The following CSE1L variants were observed in gnomAD, a reference collection of about 807,000 sequenced individuals.
CSE1L encodes the protein chromosome segregation 1 like, also known as exportin-2.
A neutral mutation model predicts 120.4 loss-of-function variants in CSE1L; 24 were observed. The ratio of observed to expected loss-of-function variants is 0.20; its 90% CI spans 0.14 to 0.28. The LOEUF is 0.28. Among genes scored for constraint, CSE1L ranks in the 10% least tolerant of loss-of-function variants. The pLI is 1.00. For synonymous variants in CSE1L, 402 were observed against 398.3 expected, an observed-to-expected ratio of 1.01 and a Z score of -0.11; for missense variants, 830 against 1,145.2, an observed-to-expected ratio of 0.72 and a Z score of 3.97.
intron 1 of CSE1L, among the ~76,000 whole-genome samples, chr20:49,051,192 A>G (rs956914527): frequency 1.3e-5 from 2 of 152,216 alleles, no homozygotes; most frequent in Admixed American, 1.3e-4. Flanking sequence ...ACTGAGGTGA[A>G]TGCTCTTTTA....
At chr20:49,081,945 AG>A in intron 14 of CSE1L, among the ~76,000 whole-genome samples, 1 of 152,344 alleles carries the variant, frequency 6.6e-6, no homozygotes. Flanking sequence ...GAGGTATTCC[AG>A]GTGCTCCCTG....
chr20:49,090,577 T>C (rs899180120), intron 19 of CSE1L, among the ~76,000 whole-genome samples, 165 bp from the exon 20 acceptor site: 2 of 152,124 alleles, frequency 1.3e-5, no homozygotes, highest in African/African-American at 4.8e-5. Context: ...AAAATTACTT[T>C]AATGGCTACG....
Position 49,089,605 on chromosome 20 carries a change from T to C in CSE1L, c.2040T>C (p.Ser680=). The C allele has an allele frequency of 6.2e-7, 1 of 1,614,210 alleles. No individual in the cohort carries two copies. Among genetic ancestry groups the C allele is most frequent in the Non-Finnish European group, 8.5e-7 (1 of 1,180,034 alleles). Residue 680 remains serine (S), a synonymous_variant, in exon 19 of 25, where the codon TCT becomes TCC. Coordinates refer to ENST00000262982, the MANE Select transcript of CSE1L (RefSeq NM_001316.4). ...AAACACACAAAAATGACATCCCGTC[T>C]TCCTATATGGCCTTATTTCCTCATC... The part of the protein sequence containing the change: ...LLETHKNDIP[S]SYMALFPHLL...
At chr20:49,065,313 ATTTTTTTTTT>A (rs376073464) in intron 3 of CSE1L, among the ~76,000 whole-genome samples, 5 of 52,118 alleles carry the variant, frequency 9.6e-5, no homozygotes, top group South Asian at 8.7e-4. Flanking sequence ...TGAAAAAAAA[ATTTTTTTTTT>A]TTTTTTTTTT....
At chr20:49,078,674 T>C (rs755114340) in intron 14 of CSE1L, 52 bp downstream of exon 14, 7 of 1,201,696 alleles carry the variant, frequency 5.8e-6, no homozygotes, top group Non-Finnish European at 8.2e-6. Flanking sequence ...AAGAGTTTTA[T>C]TATGTACCAC....
At chr20:49,048,106 C>T (rs2091735433) in intron 1 of CSE1L, among the ~76,000 whole-genome samples, 1 of 150,754 alleles carries the variant, frequency 6.6e-6, no homozygotes, top group Admixed American at 6.6e-5. Flanking sequence ...CTTGGGCCCA[C>T]ATAGTCATAT....
intron 14 of CSE1L, among the ~76,000 whole-genome samples, chr20:49,080,791 TG>T (rs1234490356): frequency 6.6e-6 from 1 of 152,122 alleles, no homozygotes; most frequent in African/African-American, 2.4e-5. Flanking sequence ...CATTTATTTT[TG>T]AGACAAAGTC....
At chr20:49,047,172 CCT>C (rs2091719821) in intron 1 of CSE1L, among the ~76,000 whole-genome samples, 1 of 152,124 alleles carries the variant, frequency 6.6e-6, no homozygotes. Context: ...CCAGACGTAG[CCT>C]CTCGTTAGGG....
chr20:49,059,819 G>A (rs1251723156), intron 2 of CSE1L, among the ~76,000 whole-genome samples: 2 of 152,016 alleles, frequency 1.3e-5, no homozygotes, highest in African/African-American at 2.4e-5. Context: ...GGTGGAGGTT[G>A]CAGTGAGTTG....
chr20:49,051,068 A>G (rs1405202743), intron 1 of CSE1L, among the ~76,000 whole-genome samples: 1 of 152,254 alleles, frequency 6.6e-6, no homozygotes, highest in African/African-American at 2.4e-5. Context: ...CAAAGTCCCT[A>G]CTATCAGTGG....
At chr20:49,049,572 A>G (rs553653978) in intron 1 of CSE1L, among the ~76,000 whole-genome samples, 2 of 152,276 alleles carry the variant, frequency 1.3e-5, no homozygotes, top group African/African-American at 4.8e-5. Context: ...GTGTCAAAGT[A>G]CCTTTACTTG....
intron 24 of CSE1L, 97 bp from the exon 25 acceptor site, chr20:49,096,252 T>C (rs997136795): frequency 4.2e-6 from 4 of 959,642 alleles, no homozygotes; most frequent in Non-Finnish European, 6.8e-6. Flanking sequence ...GACTGGCTGC[T>C]CTTCCCAGAG....
rs551838708 is a variant in CSE1L, at chr20:49,096,704, G to A, written c.*266G>A. The A allele has an allele frequency of 1.2e-4, 51 of 411,202 alleles. No homozygotes were observed. Among genetic ancestry groups the A allele is most frequent in the South Asian group, 1.1e-3 (25 of 23,664 alleles). 25.5% of individuals were successfully genotyped at this position (411,202 alleles called of 1,614,324 possible). A position where few individuals can be genotyped will look rare whatever the true frequency, so the allele number is the denominator to read the frequency against. On this transcript the variant is annotated 3_prime_UTR_variant, in exon 25 of 25. Transcript: ENST00000262982. Reference sequence around the variant, plus strand: ...TGTATGGCGTTGGTTTGTGTTGAGCGTTTGCACGGTTTGGATAATCTTAAA... The same window carrying A: ...TGTATGGCGTTGGTTTGTGTTGAGCATTTGCACGGTTTGGATAATCTTAAA...
chr20:49,072,298 G>C lies in CSE1L; in HGVS notation c.781G>C (p.Ala261Pro). The change falls in exon 9 of 25, where the codon GCC becomes CCC. Residue 261 changes from alanine to proline, a missense_variant. Coordinates refer to ENST00000262982, the MANE Select transcript of CSE1L (RefSeq NM_001316.4). ...TCTTTTATGTGAGGATGAAGAGGAA[G>C]CCGGCTTATTGGAGCTCTTAAAATC... ...KLLQTDDEEE[A>P]GLLELLKSQI... is the part of the protein sequence containing the mutation. 6.2e-7 allele frequency: 1 copy of C among 1,614,036 alleles called. No individual in the cohort carries two copies. Among genetic ancestry groups the C allele is most frequent in the Non-Finnish European group, 8.5e-7 (1 of 1,179,956 alleles).
chr20:49,063,557 C>CA (rs140201989), intron 3 of CSE1L, among the ~76,000 whole-genome samples: 2 of 151,560 alleles, frequency 1.3e-5, no homozygotes, highest in Non-Finnish European at 2.9e-5. Context: ...GACCTTGTCT[C>CA]AAAAAAAAGG....
At chr20:49,065,925 G>A (rs1180763782) in intron 3 of CSE1L, among the ~76,000 whole-genome samples, 1 of 152,150 alleles carries the variant, frequency 6.6e-6, no homozygotes, top group African/African-American at 2.4e-5. Flanking sequence ...GCATCAAGGA[G>A]TAAGGGAAGT....
At chr20:49,056,347 A>G (rs2091806972) in intron 1 of CSE1L, among the ~76,000 whole-genome samples, 1 of 151,922 alleles carries the variant, frequency 6.6e-6, no homozygotes, top group African/African-American at 2.4e-5. Flanking sequence ...CAGGTGATCC[A>G]CCCCCCTCAG....
intron 1 of CSE1L, among the ~76,000 whole-genome samples, chr20:49,047,564 CTTTTTTTTTTTTTT>C (rs59986218): frequency 5.7e-5 from 4 of 69,914 alleles, no homozygotes; most frequent in Admixed American, 1.4e-4. Flanking sequence ...TTTCTCTTTT[CTTTTTTTTTTTTTT>C]TTTTTTTTTT....
intron 14 of CSE1L, among the ~76,000 whole-genome samples, chr20:49,080,507 G>A (rs1309759408): frequency 4.6e-5 from 7 of 151,520 alleles, no homozygotes; most frequent in Admixed American, 1.3e-4. Context: ...TTTTGGAGAC[G>A]GAGTTTCGCT....
Sources: allele counts gnomAD v4.1 joint callset (sites outside exome capture counted in the v4.1 genomes callset), GRCh38; gene constraint gnomAD v4.1.1; transcripts MANE v1.5; gene names NCBI Gene and HGNC (gene_info 2026-07-23, HGNC 2026-07-21).